The following NAALADL2 variants were observed in gnomAD, a reference collection of about 807,000 sequenced individuals.
The protein encoded by NAALADL2 is inactive N-acetylated-alpha-linked acidic dipeptidase-like protein 2.
NAALADL2 carries 76 observed loss-of-function variants against 87.2 expected under a neutral mutation model. The ratio of observed to expected loss-of-function variants is 0.87; its 90% CI spans 0.72 to 1.05. The LOEUF is 1.05. NAALADL2 is among the 50% of genes least tolerant of loss of function. The pLI is 0.00. For missense variants in NAALADL2, 1,089 were observed against 945.8 expected (o/e 1.15, Z -1.99); for synonymous variants, 354 against 331.0 (o/e 1.07, Z -0.75).
intron 3 of NAALADL2, among the ~76,000 whole-genome samples, chr3:175,240,779 C>A (rs1369565506): frequency 6.6e-6 from 1 of 152,146 alleles, no homozygotes; most frequent in Non-Finnish European, 1.5e-5. Flanking sequence ...GCTCAGCCTC[C>A]CGAGTAGCTG....
intron 13 of NAALADL2, among the ~76,000 whole-genome samples, chr3:175,762,662 C>A (rs953551040): frequency 1.3e-5 from 2 of 152,138 alleles, no homozygotes; most frequent in African/African-American, 4.8e-5. Flanking sequence ...GTATTTCCTT[C>A]ATGTTTAATT....
chr3:174,657,091 G>A (rs1467762173), intron 2 of NAALADL2, among the ~76,000 whole-genome samples: 1 of 124,114 alleles, frequency 8.1e-6, no homozygotes, highest in Admixed American at 9.9e-5. Flanking sequence ...GTTCAACGGT[G>A]TGATCTTTGC....
intron 3 of NAALADL2, among the ~76,000 whole-genome samples, chr3:174,791,825 C>CA (rs1320834629): frequency 2.9e-4 from 44 of 152,056 alleles, no homozygotes; most frequent in Admixed American, 2.1e-3. Context: ...CCATAGAGGA[C>CA]AAAAATCATT....
chr3:174,828,053 A>C (rs964748240), intron 3 of NAALADL2, among the ~76,000 whole-genome samples: 2 of 152,096 alleles, frequency 1.3e-5, no homozygotes, highest in African/African-American at 4.8e-5. Context: ...ATGGTGGCTC[A>C]TACCTGTAGT....
At chr3:175,041,756 A>G (rs1754097430) in intron 1 of NAALADL2, among the ~76,000 whole-genome samples, 1 of 152,124 alleles carries the variant, frequency 6.6e-6, no homozygotes, top group Admixed American at 6.6e-5. Context: ...ATACCTGTGT[A>G]TCTATCTCTA....
intron 8 of NAALADL2, among the ~76,000 whole-genome samples, chr3:175,471,150 T>C (rs1233008749): frequency 6.6e-6 from 1 of 152,142 alleles, no homozygotes; most frequent in Non-Finnish European, 1.5e-5. Context: ...CCTTTTATAA[T>C]CTTTGTGTAC....
chr3:175,166,386 C>A (rs554855350), intron 2 of NAALADL2, among the ~76,000 whole-genome samples: 2 of 152,084 alleles, frequency 1.3e-5, no homozygotes, highest in Non-Finnish European at 2.9e-5. Context: ...TTGCTCTCTT[C>A]AAACTGTCTT....
chr3:175,508,237 A>C (rs552829969), intron 9 of NAALADL2, among the ~76,000 whole-genome samples: 3 of 152,136 alleles, frequency 2.0e-5, no homozygotes, highest in Admixed American at 2.0e-4. Context: ...ATCAGGCCCA[A>C]CCTCCAACAG....
intron 1 of NAALADL2, among the ~76,000 whole-genome samples, chr3:174,873,442 A>G (rs533033417): frequency 2.0e-5 from 3 of 151,938 alleles, no homozygotes; most frequent in South Asian, 2.1e-4. Context: ...CTTAATAGAG[A>G]TGGGGTTTCA....
At chr3:175,202,737 G>A (rs1056179645) in intron 2 of NAALADL2, among the ~76,000 whole-genome samples, 3 of 152,036 alleles carry the variant, frequency 2.0e-5, no homozygotes, top group Non-Finnish European at 4.4e-5. Context: ...AGGACCATCA[G>A]GTCGGGCTGG....
intron 1 of NAALADL2, among the ~76,000 whole-genome samples, chr3:174,961,056 T>TA (rs1741912877): frequency 1.4e-5 from 2 of 140,372 alleles, no homozygotes; most frequent in Non-Finnish European, 3.2e-5. Flanking sequence ...ATATATATAT[T>TA]AAATATATCA....
At chr3:175,458,790 C>T (rs1392678370) in intron 6 of NAALADL2, among the ~76,000 whole-genome samples, 1 of 152,028 alleles carries the variant, frequency 6.6e-6, no homozygotes, top group East Asian at 1.9e-4. Context: ...GGCACTGGTA[C>T]ATACAGGCTA....
chr3:174,835,546 T>C (rs573537001), intron 3 of NAALADL2, among the ~76,000 whole-genome samples: 27 of 152,210 alleles, frequency 1.8e-4, no homozygotes, highest in African/African-American at 6.5e-4. Context: ...AGGGATACAA[T>C]TAGCAGGGTG....
In NAALADL2 at chr3:175,154,309, CATA is replaced by C. The variant is rs1560097334; in HGVS notation, c.545+57025_545+57027del. ...GAAGATTGAGCCGATTAATTATAAG[CATA>C]ATAATATGGAAAATTATCTGTCTAC... On this transcript the variant is annotated intron_variant, in intron 2 of 13. Coordinates refer to ENST00000454872, the MANE Select transcript of NAALADL2 (RefSeq NM_207015.3). Among the ~76,000 whole-genome samples, 12 of 152,180 alleles carry C rather than the reference CATA, an allele frequency of 7.9e-5. No individual in the cohort carries two copies. The South Asian group carries it at 2.5e-3, about 32-fold the overall frequency.
At chr3:174,711,337 C>T (rs760216001) in intron 2 of NAALADL2, among the ~76,000 whole-genome samples, 2 of 152,142 alleles carry the variant, frequency 1.3e-5, no homozygotes, top group Non-Finnish European at 2.9e-5. Flanking sequence ...CAAAATTTTC[C>T]ATCCCTCCAC....
chr3:174,815,295 G>A (rs530221742), intron 3 of NAALADL2, among the ~76,000 whole-genome samples: 77 of 152,252 alleles, frequency 5.1e-4, no homozygotes, highest in Non-Finnish European at 7.5e-4. Flanking sequence ...GTTTTGGCAG[G>A]GTTGGTTCCT....
intron 1 of NAALADL2, among the ~76,000 whole-genome samples, chr3:174,441,832 A>G (rs201647395): frequency 1.1e-4 from 17 of 149,786 alleles, no homozygotes; most frequent in Admixed American, 3.3e-4. Flanking sequence ...TAGCCTTTAC[A>G]TTTCAACCTA....
At chr3:175,783,581 A>C (rs1403705141) in intron 13 of NAALADL2, among the ~76,000 whole-genome samples, 1 of 152,022 alleles carries the variant, frequency 6.6e-6, no homozygotes, top group Non-Finnish European at 1.5e-5. Context: ...GAAGTTGCTT[A>C]TCAGCTTAAG....
At chr3:175,018,760 G>C (rs73032336) in intron 1 of NAALADL2, among the ~76,000 whole-genome samples, 1 of 152,094 alleles carries the variant, frequency 6.6e-6, no homozygotes, top group South Asian at 2.1e-4. Flanking sequence ...ACACTGAAGA[G>C]CCACAACACT....
Sources: allele counts gnomAD v4.1 joint callset (sites outside exome capture counted in the v4.1 genomes callset), GRCh38; gene constraint gnomAD v4.1.1; transcripts MANE v1.5; gene names NCBI Gene and HGNC (gene_info 2026-07-23, HGNC 2026-07-21).